Variants in TJP1 observed in about 807,000 individuals in gnomAD.
TJP1 encodes tight junction protein 1.
In TJP1, 43 loss-of-function variants were observed where a neutral mutation model predicts 194.2. The ratio of observed to expected loss-of-function variants is 0.22; its 90% CI spans 0.17 to 0.29. The LOEUF is 0.29. Among genes scored for constraint, TJP1 ranks in the 10% least tolerant of loss-of-function variants. The pLI, the probability that TJP1 is intolerant of heterozygous loss-of-function variation, is 1.00. For missense variants in TJP1, 1,971 were observed against 2,185.7 expected, an observed-to-expected ratio of 0.90 and a Z score of 1.96; for synonymous variants, 801 against 779.0, an observed-to-expected ratio of 1.03 and a Z score of -0.47.
intron 2 of TJP1, among the ~76,000 whole-genome samples, chr15:29,777,483 A>T (rs961642593): frequency 6.6e-6 from 1 of 152,222 alleles, no homozygotes; most frequent in African/African-American, 2.4e-5. Flanking sequence ...TGAAGGGAGA[A>T]AAATAAATAA....
At chr15:29,736,428 T>A (rs1217655980) in intron 11 of TJP1, among the ~76,000 whole-genome samples, 2 of 152,198 alleles carry the variant, frequency 1.3e-5, no homozygotes, top group Non-Finnish European at 2.9e-5. Context: ...AGAGGCAGGC[T>A]GAGTACAGAA....
intron 1 of TJP1, among the ~76,000 whole-genome samples, chr15:29,957,062 T>C (rs1439420645): frequency 1.3e-5 from 2 of 152,172 alleles, no homozygotes; most frequent in Non-Finnish European, 2.9e-5. Flanking sequence ...TGAGCTATCA[T>C]TGTGTCCATC....
chr15:29,700,466 C>A lies in TJP1; in HGVS notation c.*1129G>T. 2.5e-6 allele frequency: 1 copy of A among 398,746 alleles called. No individual in the cohort carries two copies. Among genetic ancestry groups the A allele is most frequent in the South Asian group, 1.3e-4 (1 of 7,824 alleles). The allele number at this position is 398,746 out of a possible 1,614,324, so 24.7% of individuals were successfully genotyped here. Reference sequence around the variant, plus strand: ...CATCCTTTTTCTTAAAAAAAATGACCTTGCATGTGTCATAGAAACGCTGCT... The same window carrying A: ...CATCCTTTTTCTTAAAAAAAATGACATTGCATGTGTCATAGAAACGCTGCT... On this transcript the variant is annotated 3_prime_UTR_variant, in exon 28 of 28. Coordinates refer to ENST00000614355, the MANE Select transcript of TJP1 (RefSeq NM_001330239.4).
Position 29,935,615 on chromosome 15 carries a change from C to G in TJP1, c.306+20617G>C, listed in dbSNP as rs914484063. On this transcript the variant is annotated intron_variant, in intron 2 of 28. Coordinates refer to the TJP1 transcript ENST00000356107. ...CCATTCCTATAGCACAATCCCAAAA[C>G]CATACATGGTCTTTCTCACCACAGT... Among the ~76,000 whole-genome samples, 5 of 152,102 alleles carry G rather than the reference C, an allele frequency of 3.3e-5. No homozygotes were observed. In the East Asian group the frequency reaches 9.7e-4, roughly 29 times the overall value.
At chr15:29,854,526 A>G (rs936874706) in intron 2 of TJP1, among the ~76,000 whole-genome samples, 34 of 152,280 alleles carry the variant, frequency 2.2e-4, no homozygotes, top group African/African-American at 8.2e-4. Context: ...ACGTCCAGGA[A>G]TGCCAGGGCA....
intron 2 of TJP1, among the ~76,000 whole-genome samples, chr15:29,925,292 T>C (rs1411802361): frequency 6.6e-6 from 1 of 152,232 alleles, no homozygotes; most frequent in African/African-American, 2.4e-5. Context: ...TCTCACAGCA[T>C]GTTCCAGATG....
intron 2 of TJP1, among the ~76,000 whole-genome samples, chr15:29,867,489 A>G (rs2052349438): frequency 6.6e-6 from 1 of 152,122 alleles, no homozygotes; most frequent in Non-Finnish European, 1.5e-5. Context: ...CAGGGGAAGT[A>G]TTTCTTTCCC....
intron 2 of TJP1, among the ~76,000 whole-genome samples, chr15:29,849,610 G>A (rs750570135): frequency 1.3e-5 from 2 of 151,932 alleles, no homozygotes; most frequent in Non-Finnish European, 2.9e-5. Context: ...ATAGTGGCAT[G>A]TGCCTGTAAT....
chr15:29,762,230 T>C (rs2046052535), intron 6 of TJP1, 105 bp downstream of exon 6: 1 of 883,498 alleles, frequency 1.1e-6, no homozygotes, highest in Non-Finnish European at 1.7e-6. Flanking sequence ...CACTGATTTT[T>C]AATTCTCTTT....
chr15:29,817,409 T>C (rs2050002093), intron 1 of TJP1, among the ~76,000 whole-genome samples: 1 of 152,190 alleles, frequency 6.6e-6, no homozygotes. Context: ...TCAACCATTG[T>C]GGAAGATAGT....
intron 11 of TJP1, among the ~76,000 whole-genome samples, chr15:29,736,487 A>T (rs932124854): frequency 4.8e-4 from 73 of 152,232 alleles, no homozygotes; most frequent in African/African-American, 1.8e-3. Flanking sequence ...GTAGAGAAGC[A>T]GAATAAATGT....
In TJP1 at chr15:29,705,538, A is replaced by G; in HGVS notation, c.5058T>C (p.Asp1686=). The change falls in exon 26 of 28, where the codon GAT becomes GAC. Residue 1686 remains aspartate, a synonymous_variant. Transcript: ENST00000614355. ...CRDNSILPPL[D]KEKGETLLSP... is the part of the protein sequence containing the mutation. ...AATAAACACATTTACCTTTCTCTTT[A>G]TCTAAAGGTGGAAGGATGCTGTTGT... 2.5e-6 allele frequency: 4 copies of G among 1,614,236 alleles called. No homozygotes were observed. The South Asian group carries it at 4.4e-5, about 18-fold the overall frequency.
intron 2 of TJP1, among the ~76,000 whole-genome samples, chr15:29,936,017 CCTT>C (rs1468941231): frequency 6.6e-6 from 1 of 152,136 alleles, no homozygotes; most frequent in Non-Finnish European, 1.5e-5. Flanking sequence ...AGCATCCCCA[CCTT>C]CTCCCTCTTC....
At chr15:29,862,741 G>C (rs1334177293) in intron 2 of TJP1, among the ~76,000 whole-genome samples, 2 of 150,214 alleles carry the variant, frequency 1.3e-5, no homozygotes, top group Non-Finnish European at 3.0e-5. Flanking sequence ...TTTGCCTCCC[G>C]GGTTCACGCC....
chr15:29,757,540 A>T (rs1379586252), intron 8 of TJP1, among the ~76,000 whole-genome samples: 1 of 152,202 alleles, frequency 6.6e-6, no homozygotes, highest in Non-Finnish European at 1.5e-5. Flanking sequence ...GAATGCTCTA[A>T]ATTAAAACTC....
At position 29,955,753 on chromosome 15, in the gene TJP1, TAAAAAAAAAAAA is replaced by T. The variant is rs563535771; in HGVS notation, c.306+467_306+478del. ...GCAACAGAAGGAGACCCTGGCTCTT[TAAAAAAAAAAAA>T]AAAAAAAAAAAAAAAAAAGAATAGA... On this transcript the variant is annotated intron_variant, in intron 2 of 28. Transcript: ENST00000356107. Among the ~76,000 whole-genome samples, 170 of 35,820 alleles carry T rather than the reference TAAAAAAAAAAAA, an allele frequency of 4.7e-3. 2 individuals carry two copies. In the East Asian group the frequency reaches 0.052, roughly 11 times the overall value. 23.5% of individuals were successfully genotyped at this position (35,820 alleles called of 152,430 possible).
intron 2 of TJP1, among the ~76,000 whole-genome samples, chr15:29,891,837 G>C (rs773440055): frequency 3.3e-5 from 5 of 152,106 alleles, no homozygotes; most frequent in Non-Finnish European, 7.3e-5. Context: ...CTTATTCCCT[G>C]AGATACAACA....
chr15:29,802,841 T>A (rs556302394), intron 1 of TJP1, among the ~76,000 whole-genome samples: 1 of 152,330 alleles, frequency 6.6e-6, no homozygotes, highest in East Asian at 1.9e-4. Context: ...ATCTTTTTCC[T>A]ATCAGTCCAA....
chr15:29,791,447 G>C (rs1191359255), intron 2 of TJP1, among the ~76,000 whole-genome samples: 3 of 110,024 alleles, frequency 2.7e-5, no homozygotes, highest in Non-Finnish European at 5.1e-5. Context: ...TTGAGACAGA[G>C]TCTGGCACTG....
Sources: gnomAD v4.1 joint callset for allele counts (sites outside exome capture counted in the v4.1 genomes callset) on GRCh38, gnomAD v4.1.1 for gene constraint, MANE v1.5 for transcripts, NCBI Gene and HGNC (gene_info 2026-07-23, HGNC 2026-07-21) for gene names.